The following MINDY2 variants were observed in gnomAD, a reference collection of about 807,000 sequenced individuals.
MINDY2 encodes the protein ubiquitin carboxyl-terminal hydrolase MINDY-2.
A neutral mutation model predicts 68.2 loss-of-function variants in MINDY2; 52 were observed. That is an observed-to-expected ratio of 0.76 (90% CI 0.61 to 0.96). The LOEUF (loss-of-function observed/expected upper bound fraction) is 0.96. Ranked by LOEUF, MINDY2 falls within the 40% of genes least tolerant of loss-of-function variation. The pLI, the probability that MINDY2 is intolerant of heterozygous loss-of-function variation, is 0.00. For synonymous variants in MINDY2, 372 were observed against 303.0 expected (o/e 1.23, Z -2.36); for missense variants, 881 against 773.4 (o/e 1.14, Z -1.65).
At chr15:58,806,554 G>A (rs769087941) in intron 3 of MINDY2, among the ~76,000 whole-genome samples, 14 of 151,890 alleles carry the variant, frequency 9.2e-5, no homozygotes, top group South Asian at 2.1e-4. Flanking sequence ...TCTTTATGAA[G>A]ATATCAAATG....
Position 58,852,755 on chromosome 15 carries a change from A to G in MINDY2, c.1737+790A>G, listed in dbSNP as rs2032885538. 3.3e-5 allele frequency among the ~76,000 whole-genome samples: 5 copies of G among 152,072 alleles called. No homozygotes were observed. The South Asian group carries it at 8.3e-4, about 25-fold the overall frequency. ...GCACTTACCCCAATTTTTAACATGTACTAGGCATTCAACAAAGGTTGACAT... is the reference window on the plus strand; with the variant it reads ...GCACTTACCCCAATTTTTAACATGTGCTAGGCATTCAACAAAGGTTGACAT... On this transcript the variant is annotated intron_variant, in intron 8 of 8. Transcript: ENST00000559228.
At chr15:58,806,456 C>T (rs1485196610) in intron 3 of MINDY2, among the ~76,000 whole-genome samples, 1 of 151,062 alleles carries the variant, frequency 6.6e-6, no homozygotes, top group African/African-American at 2.4e-5. Flanking sequence ...CTCCTGGGCT[C>T]AAGTGATCTG....
At position 58,831,041 on chromosome 15, in the gene MINDY2, G is replaced by GTGTGTGTA. The variant is rs565786025; in HGVS notation, c.1226-732_1226-731insGTGTGTAT. On this transcript the variant is annotated intron_variant, in intron 5 of 8. Coordinates refer to ENST00000559228, the MANE Select transcript of MINDY2 (RefSeq NM_001040450.3). ...TGTGTGTGTGTGTGTGTGTGTGTGT[G>GTGTGTGTA]TATATATATATATATATATGTTTTA... Among the ~76,000 whole-genome samples, 418 of 124,916 alleles carry GTGTGTGTA rather than the reference G, an allele frequency of 3.3e-3. 4 individuals are homozygous for GTGTGTGTA. The highest frequency in any genetic ancestry group is 0.014 in the African/African-American group (396 of 29,204). 81.9% of individuals were successfully genotyped at this position (124,916 alleles called of 152,430 possible). A position where few individuals can be genotyped will look rare whatever the true frequency, so the allele number is the denominator to read the frequency against.
chr15:58,830,115 A>G (rs2031634068), intron 5 of MINDY2, among the ~76,000 whole-genome samples: 1 of 152,308 alleles, frequency 6.6e-6, no homozygotes, highest in Non-Finnish European at 1.5e-5. Flanking sequence ...CAAGTTTAAA[A>G]AATATGTATA....
intron 8 of MINDY2, among the ~76,000 whole-genome samples, chr15:58,854,212 C>G (rs1413986505): frequency 1.3e-5 from 2 of 151,276 alleles, no homozygotes; most frequent in Non-Finnish European, 2.9e-5. Flanking sequence ...CCATTGCACT[C>G]CAGCCTGGGC....
At position 58,772,318 on chromosome 15, in the gene MINDY2, G is replaced by T. The variant is rs562365441; in HGVS notation, c.840+83G>T. On this transcript the variant is annotated intron_variant, in intron 1 of 8. Coordinates refer to ENST00000559228, the MANE Select transcript of MINDY2 (RefSeq NM_001040450.3). ...GGGAGCTGCTGCATGTCAGGTGATG[G>T]CTTCCTTTCTTTCCTCATTCATCAG... 2.1e-5 allele frequency: 33 copies of T among 1,563,522 alleles called. No individual in the cohort carries two copies. In the South Asian group the frequency reaches 2.7e-4, roughly 13 times the overall value.
chr15:58,822,464 CT>C (rs2031125584), intron 5 of MINDY2, among the ~76,000 whole-genome samples: 1 of 152,106 alleles, frequency 6.6e-6, no homozygotes, highest in Non-Finnish European at 1.5e-5. Flanking sequence ...CCTGAATGGA[CT>C]TTATCATTGA....
intron 5 of MINDY2, among the ~76,000 whole-genome samples, chr15:58,828,158 A>C (rs1159297083): frequency 6.7e-6 from 1 of 148,598 alleles, no homozygotes; most frequent in East Asian, 1.9e-4. Flanking sequence ...CTCCATCTCA[A>C]AAAAAAAAAA....
In MINDY2 at chr15:58,803,741, G is replaced by A. The variant is rs1902826824; in HGVS notation, c.963+1364G>A. 2.0e-5 allele frequency among the ~76,000 whole-genome samples: 3 copies of A among 151,884 alleles called. No individual in the cohort carries two copies. The South Asian group carries it at 6.2e-4, about 32-fold the overall frequency. ...TGAGGCATGAGAATTGCTTGAACCA[G>A]GGAGGCGGAGGTTGCAGTGAGCCGA... On this transcript the variant is annotated intron_variant, in intron 3 of 8. Transcript: ENST00000559228.
chr15:58,786,118 G>T, intron 1 of MINDY2, among the ~76,000 whole-genome samples: 1 of 152,156 alleles, frequency 6.6e-6, no homozygotes. Context: ...CTTACAGATG[G>T]CTTCAAACCA....
At chr15:58,846,632 A>C (rs1459084716) in intron 6 of MINDY2, among the ~76,000 whole-genome samples, 1 of 151,974 alleles carries the variant, frequency 6.6e-6, no homozygotes, top group Non-Finnish European at 1.5e-5. Flanking sequence ...GTAACCCACA[A>C]ATACATACAC....
At chr15:58,778,665 C>T (rs1426839715) in intron 1 of MINDY2, among the ~76,000 whole-genome samples, 2 of 151,708 alleles carry the variant, frequency 1.3e-5, no homozygotes, top group Non-Finnish European at 2.9e-5. Context: ...ATCATTCTGT[C>T]ACCCAGGCTG....
chr15:58,844,234 A>G (rs942692588), intron 6 of MINDY2, among the ~76,000 whole-genome samples: 2 of 152,178 alleles, frequency 1.3e-5, no homozygotes, highest in Non-Finnish European at 2.9e-5. Flanking sequence ...ATACTTACAT[A>G]AAGGAACTGT....
intron 2 of MINDY2, among the ~76,000 whole-genome samples, chr15:58,791,215 T>TATATATATATATATATATA (rs1901872070): frequency 1.3e-5 from 1 of 79,586 alleles, no homozygotes; most frequent in Non-Finnish European, 3.2e-5. Context: ...GAAAGCAATT[T>TATATATATATATATATATA]TATATATATA....
intron 4 of MINDY2, among the ~76,000 whole-genome samples, chr15:58,817,026 C>T (rs1392070545): frequency 6.6e-6 from 1 of 152,098 alleles, no homozygotes; most frequent in African/African-American, 2.4e-5. Context: ...AAGTTTGAAA[C>T]TATGTTCCTG....
At chr15:58,845,859 C>G (rs1390029504) in intron 6 of MINDY2, among the ~76,000 whole-genome samples, 2 of 152,164 alleles carry the variant, frequency 1.3e-5, no homozygotes, top group African/African-American at 4.8e-5. Context: ...GAGCACTATT[C>G]ACACACAAAA....
At chr15:58,826,929 C>A (rs1276427687) in intron 5 of MINDY2, among the ~76,000 whole-genome samples, 1 of 152,036 alleles carries the variant, frequency 6.6e-6, no homozygotes, top group Non-Finnish European at 1.5e-5. Context: ...TTCCTTGCTT[C>A]CTCCCTCCTT....
Position 58,776,559 on chromosome 15 carries a change from T to TA in MINDY2, c.840+4325dup, listed in dbSNP as rs759588488. Among the ~76,000 whole-genome samples, 22 of 152,092 alleles carry TA rather than the reference T, an allele frequency of 1.4e-4. 1 individual carries two copies. The highest frequency in any genetic ancestry group is 2.9e-4 in the Non-Finnish European group (20 of 68,032). ...AAATGCAGCAGCATCAGAGAGCTAA[T>TA]AGAGTAGGGAAGATTCTGCTGAAAA... On this transcript the variant is annotated intron_variant, in intron 1 of 8. Coordinates refer to ENST00000559228, the MANE Select transcript of MINDY2 (RefSeq NM_001040450.3).
intron 2 of MINDY2, among the ~76,000 whole-genome samples, chr15:58,797,823 A>T (rs576025964): frequency 6.9e-4 from 105 of 152,270 alleles, no homozygotes; most frequent in Admixed American, 1.6e-3. Flanking sequence ...GAAGAGATAC[A>T]GTTGTGGTGG....
Sources: allele counts gnomAD v4.1 joint callset (sites outside exome capture counted in the v4.1 genomes callset), GRCh38; gene constraint gnomAD v4.1.1; transcripts MANE v1.5; gene names NCBI Gene and HGNC (gene_info 2026-07-23, HGNC 2026-07-21).